Variants in FAM3C observed in about 807,000 individuals in gnomAD.
The protein encoded by FAM3C is protein FAM3C.
Under a neutral mutation model 32.5 loss-of-function variants are expected in FAM3C, and 15 were observed. The observed-to-expected ratio is 0.46, with a 90% CI of 0.31 to 0.71. The LOEUF is 0.71. FAM3C is among the 30% of genes least tolerant of loss of function. The probability of loss-of-function intolerance (pLI) is 0.05; values close to 1 mark genes in which losing one functional copy is unlikely to be tolerated. For synonymous variants in FAM3C, 75 were observed against 86.1 expected, an observed-to-expected ratio of 0.87 and a Z score of 0.72; for missense variants, 175 against 274.4, an observed-to-expected ratio of 0.64 and a Z score of 2.56.
chr7:121,378,950 T>C lies in FAM3C; in HGVS notation c.78A>G (p.Val26=). The change falls in exon 3 of 10, where the codon GTA becomes GTG. Residue 26 remains valine, a synonymous_variant. Coordinates refer to ENST00000359943, the MANE Select transcript of FAM3C (RefSeq NM_014888.3). Reference sequence around the variant, plus strand: ...AACTTGCATCCATTTTTATTTCAAATACTTGAGAAATAACATAAAATGTCA... The same window carrying C: ...AACTTGCATCCATTTTTATTTCAAACACTTGAGAAATAACATAAAATGTCA... ...FLLTFYVISQ[V]FEIKMDASLG... The C allele has an allele frequency of 2.6e-6, 4 of 1,565,004 alleles. No homozygotes were observed. The highest frequency in any genetic ancestry group is 2.6e-6 in the Non-Finnish European group (3 of 1,156,220).
chr7:121,355,717 G>C (rs6949169), intron 8 of FAM3C, among the ~76,000 whole-genome samples: 101 of 152,272 alleles, frequency 6.6e-4, no homozygotes, highest in African/African-American at 2.4e-3. Context: ...TTCCTGGTAG[G>C]GTACACTGGC....
rs1437559776 is a variant in FAM3C at position 121,360,095 on chromosome 7, T to G, written c.415A>C (p.Ile139Leu). Residue 139 changes from isoleucine to leucine, a missense_variant, in exon 8 of 10, where the codon ATA becomes CTA. Physicochemically the swap from Ile to Leu is conservative, Grantham distance 5 (BLOSUM62 2). Coordinates refer to ENST00000359943, the MANE Select transcript of FAM3C (RefSeq NM_014888.3). ...ATTAAAACTATTGTTCCATCTTGTA[T>G]GGCCTTCAGAAACTCAATAAATGGT... ...VAPFIEFLKAIQDGTIVLMGT... is the reference protein window; with the variant it reads ...VAPFIEFLKALQDGTIVLMGT... 4.4e-6 allele frequency: 7 copies of G among 1,602,652 alleles called. No individual in the cohort carries two copies. Among genetic ancestry groups the G allele is most frequent in the Non-Finnish European group, 6.0e-6 (7 of 1,169,992 alleles).
chr7:121,360,329 A>C (rs1351953031), intron 7 of FAM3C, among the ~76,000 whole-genome samples: 1 of 152,200 alleles, frequency 6.6e-6, no homozygotes, highest in East Asian at 1.9e-4. Flanking sequence ...ATCAACTTAC[A>C]ATTTCCCATT....
chr7:121,374,914 C>A (rs1794212018), intron 3 of FAM3C, among the ~76,000 whole-genome samples: 1 of 152,096 alleles, frequency 6.6e-6, no homozygotes, highest in Admixed American at 6.5e-5. Flanking sequence ...TTATGTGAAT[C>A]CCACTTTGGA....
intron 2 of FAM3C, among the ~76,000 whole-genome samples, chr7:121,380,506 TATAAAC>T (rs1485288338): frequency 2.0e-5 from 3 of 151,800 alleles, no homozygotes; most frequent in Non-Finnish European, 4.4e-5. Context: ...GAAGGGAACA[TATAAAC>T]ATAAAGAAGG....
chr7:121,375,641 G>T (rs1165402623), intron 3 of FAM3C, among the ~76,000 whole-genome samples: 2 of 152,282 alleles, frequency 1.3e-5, no homozygotes, highest in Non-Finnish European at 2.9e-5. Flanking sequence ...GGGACAAAGG[G>T]TGAGGACAGA....
chr7:121,350,161 A>G lies in FAM3C; in HGVS notation c.*300T>C. ...TATATCAATATATTTTTCACAAACC[A>G]TTCAGTTACACATTGTGTATGCTTT... On this transcript the variant is annotated 3_prime_UTR_variant, in exon 10 of 10. Transcript: ENST00000359943. 1.7e-5 allele frequency: 5 copies of G among 302,724 alleles called. No individual in the cohort carries two copies. In the South Asian group the frequency reaches 1.9e-4, roughly 12 times the overall value. The allele number at this position is 302,724 out of a possible 1,614,324, so 18.8% of individuals were successfully genotyped here. A position where few individuals can be genotyped will look rare whatever the true frequency, so the allele number is the denominator to read the frequency against.
intron 2 of FAM3C, among the ~76,000 whole-genome samples, chr7:121,380,733 T>TA (rs1794332489): frequency 7.5e-6 from 1 of 133,982 alleles, no homozygotes; most frequent in Non-Finnish European, 1.6e-5. Flanking sequence ...TACAAACATT[T>TA]TATATATATA....
At position 121,367,566 on chromosome 7, in the gene FAM3C, T is replaced by C. The variant is rs1196108573; in HGVS notation, c.273-3378A>G. ...TAATCTCATATTCTTGCAGCAAACA[T>C]TACCATTAAAATCAAAAGTAATGAA... is the stretch of plus-strand genomic sequence containing the variant. On this transcript the variant is annotated intron_variant, in intron 5 of 9. Coordinates refer to ENST00000359943, the MANE Select transcript of FAM3C (RefSeq NM_014888.3). Among the ~76,000 whole-genome samples, 9 of 152,132 alleles carry C rather than the reference T, an allele frequency of 5.9e-5. 1 individual carries two copies. Among genetic ancestry groups the C allele is most frequent in the Non-Finnish European group, 1.2e-4 (8 of 68,014 alleles).
intron 6 of FAM3C, among the ~76,000 whole-genome samples, chr7:121,363,637 G>A (rs1196834347): frequency 1.3e-5 from 2 of 151,962 alleles, no homozygotes; most frequent in Non-Finnish European, 2.9e-5. Context: ...CTCACTTTAT[G>A]GTTTTATGTT....
intron 3 of FAM3C, among the ~76,000 whole-genome samples, chr7:121,377,798 T>C (rs376059048): frequency 3.3e-5 from 5 of 152,352 alleles, no homozygotes; most frequent in African/African-American, 7.2e-5. Context: ...TACAGTAACA[T>C]GCTATACAGG....
chr7:121,390,801 G>GCTTCAGAT (rs1353299167), intron 1 of FAM3C, among the ~76,000 whole-genome samples: 7 of 133,822 alleles, frequency 5.2e-5, no homozygotes, highest in African/African-American at 2.0e-4. Context: ...AGATCTGAGA[G>GCTTCAGAT]CTTCAGATCT....
intron 1 of FAM3C, among the ~76,000 whole-genome samples, chr7:121,394,079 G>A (rs988272481): frequency 6.6e-6 from 1 of 152,210 alleles, no homozygotes; most frequent in African/African-American, 2.4e-5. Context: ...AGAAAATAAA[G>A]TAGCTTTGTG....
At chr7:121,387,893 A>T (rs1190305786) in intron 1 of FAM3C, among the ~76,000 whole-genome samples, 1 of 152,088 alleles carries the variant, frequency 6.6e-6, no homozygotes, top group Non-Finnish European at 1.5e-5. Context: ...GTCTTTAATA[A>T]CAAGTTATTA....
At chr7:121,381,638 G>A (rs1049540502) in intron 2 of FAM3C, among the ~76,000 whole-genome samples, 36 of 148,228 alleles carry the variant, frequency 2.4e-4, no homozygotes, top group Non-Finnish European at 2.4e-4. Context: ...AGTAAGTCCT[G>A]CTGTACTCAA....
intron 1 of FAM3C, among the ~76,000 whole-genome samples, chr7:121,386,172 A>T (rs1794461109): frequency 6.6e-6 from 1 of 152,204 alleles, no homozygotes; most frequent in African/African-American, 2.4e-5. Flanking sequence ...AAATGATACA[A>T]GAAAATTAAA....
At chr7:121,361,345 G>A (rs780222706) in intron 7 of FAM3C, among the ~76,000 whole-genome samples, 2 of 152,174 alleles carry the variant, frequency 1.3e-5, no homozygotes, top group South Asian at 4.1e-4. Flanking sequence ...CATAATAATA[G>A]CATTTTCAAT....
chr7:121,381,656 C>CACACACACA (rs1794359269), intron 2 of FAM3C, among the ~76,000 whole-genome samples: 1 of 142,240 alleles, frequency 7.0e-6, no homozygotes, highest in Non-Finnish European at 1.6e-5. Flanking sequence ...CAAAGAACAT[C>CACACACACA]CACACACACA....
At chr7:121,382,831 G>GA in intron 2 of FAM3C, 126 bp downstream of exon 2, 1 of 689,214 alleles carries the variant, frequency 1.5e-6, no homozygotes, top group East Asian at 2.9e-5. Context: ...ACAAAGGGCT[G>GA]AATGATTTAG....
Sources: allele counts gnomAD v4.1 joint callset (sites outside exome capture counted in the v4.1 genomes callset), GRCh38; gene constraint gnomAD v4.1.1; transcripts MANE v1.5; gene names NCBI Gene and HGNC (gene_info 2026-07-23, HGNC 2026-07-21).